Variants in SENP6 observed in about 807,000 individuals in gnomAD.
SENP6 encodes the protein sentrin-specific protease 6.
In SENP6, 41 loss-of-function variants were observed where a neutral mutation model predicts 134.5. The observed-to-expected ratio is 0.30, with a 90% CI of 0.24 to 0.40. The LOEUF is 0.40. Ranked by LOEUF, SENP6 falls within the 10% of genes least tolerant of loss-of-function variation. The probability of loss-of-function intolerance (pLI) is 1.00; values close to 1 mark genes in which losing one functional copy is unlikely to be tolerated. For missense variants in SENP6, 1,248 were observed against 1,312.5 expected (o/e 0.95, Z 0.76); for synonymous variants, 395 against 429.8 (o/e 0.92, Z 1.00).
In SENP6 at chr6:75,663,214, T is replaced by C. The variant is rs752629922; in HGVS notation, c.697-7T>C. 5 of 1,606,586 alleles carry C rather than the reference T, an allele frequency of 3.1e-6. No homozygotes were observed. In the East Asian group the frequency reaches 1.1e-4, roughly 36 times the overall value. On this transcript the variant is annotated splice_polypyrimidine_tract_variant and splice_region_variant and intron_variant, in intron 8 of 23. Coordinates refer to ENST00000447266, the MANE Select transcript of SENP6 (RefSeq NM_015571.4). ...AATGCCAAAGTTGTGGTGTTCTTTT[T>C]TCTAAGGATTTGCAAAGAAATTGCA...
chr6:75,708,208 C>G (rs1181306897), intron 19 of SENP6, among the ~76,000 whole-genome samples: 1 of 152,066 alleles, frequency 6.6e-6, no homozygotes, highest in Non-Finnish European at 1.5e-5. Context: ...ATTACAGGTG[C>G]ATGCCACCAT....
At chr6:75,668,382 T>C (rs1562027545) in intron 10 of SENP6, among the ~76,000 whole-genome samples, 1 of 152,010 alleles carries the variant, frequency 6.6e-6, no homozygotes, top group Non-Finnish European at 1.5e-5. Flanking sequence ...AATGGAAAAA[T>C]AGTAAGCTAT....
At chr6:75,654,257 A>G (rs1214996370) in intron 7 of SENP6, among the ~76,000 whole-genome samples, 1 of 152,212 alleles carries the variant, frequency 6.6e-6, no homozygotes, top group Non-Finnish European at 1.5e-5. Flanking sequence ...GCAAAACATA[A>G]GTAAAGCTGA....
Position 75,663,212 on chromosome 6 carries a change from T to C in SENP6, c.697-9T>C, listed in dbSNP as rs1771915944. On this transcript the variant is annotated splice_polypyrimidine_tract_variant and intron_variant, in intron 8 of 23. Coordinates refer to ENST00000447266, the MANE Select transcript of SENP6 (RefSeq NM_015571.4). ...CAAATGCCAAAGTTGTGGTGTTCTTTTTTCTAAGGATTTGCAAAGAAATTG... is the reference window on the plus strand; with the variant it reads ...CAAATGCCAAAGTTGTGGTGTTCTTCTTTCTAAGGATTTGCAAAGAAATTG... 2 of 1,605,810 alleles carry C rather than the reference T, an allele frequency of 1.2e-6. No individual in the cohort carries two copies. Among genetic ancestry groups the C allele is most frequent in the Non-Finnish European group, 1.7e-6 (2 of 1,178,120 alleles).
intron 1 of SENP6, among the ~76,000 whole-genome samples, chr6:75,613,874 C>G (rs1429968107): frequency 7.9e-5 from 12 of 152,176 alleles, no homozygotes; most frequent in East Asian, 3.9e-4. Flanking sequence ...TAAAAATGTT[C>G]CTTAATAGCA....
intron 18 of SENP6, among the ~76,000 whole-genome samples, chr6:75,700,876 A>G (rs1774979628): frequency 6.6e-6 from 1 of 152,230 alleles, no homozygotes; most frequent in Non-Finnish European, 1.5e-5. Flanking sequence ...AAAATTAGCT[A>G]TGTGTTAGAA....
intron 19 of SENP6, among the ~76,000 whole-genome samples, chr6:75,705,734 T>G (rs112340425): frequency 8.4e-6 from 1 of 119,298 alleles, no homozygotes; most frequent in Non-Finnish European, 1.8e-5. Context: ...CTAATACATT[T>G]TTCTTCTTTT....
At chr6:75,713,349 G>A (rs973399623) in intron 21 of SENP6, among the ~76,000 whole-genome samples, 164 bp from the exon 22 acceptor site, 6 of 152,140 alleles carry the variant, frequency 3.9e-5, no homozygotes, top group African/African-American at 1.4e-4. Context: ...TATAAGGTTC[G>A]TATGTGTCTA....
chr6:75,664,701 T>TA (rs753389382), intron 9 of SENP6, among the ~76,000 whole-genome samples: 16 of 152,294 alleles, frequency 1.1e-4, no homozygotes, highest in Non-Finnish European at 1.9e-4. Context: ...AAAAGACAGG[T>TA]AGAGAAATAC....
intron 3 of SENP6, among the ~76,000 whole-genome samples, chr6:75,630,727 G>T (rs1769047321): frequency 6.6e-6 from 1 of 151,774 alleles, no homozygotes; most frequent in Non-Finnish European, 1.5e-5. Flanking sequence ...GTTTCACTGT[G>T]CTTCTTTTAA....
At chr6:75,661,909 G>T (rs1407862400) in intron 8 of SENP6, among the ~76,000 whole-genome samples, 1 of 152,122 alleles carries the variant, frequency 6.6e-6, no homozygotes, top group Non-Finnish European at 1.5e-5. Context: ...AAAATTAGCT[G>T]AGCATGGTGG....
rs1257028017 is a variant in SENP6, at chr6:75,659,251, C to T, written c.551-11C>T. ...TAAAACTTAAAGTTTATTTTTTTCT[C>T]CTTCCTTTAGAACGTATAATGAAGA... On this transcript the variant is annotated splice_polypyrimidine_tract_variant and intron_variant, in intron 7 of 23. Coordinates refer to ENST00000447266, the MANE Select transcript of SENP6 (RefSeq NM_015571.4). 1 of 1,569,992 alleles carries T rather than the reference C, an allele frequency of 6.4e-7. No individual in the cohort carries two copies. The highest frequency in any genetic ancestry group is 2.1e-5 in the Admixed American group (1 of 47,436).
intron 16 of SENP6, among the ~76,000 whole-genome samples, chr6:75,691,575 G>GTTTTGTTTTTTGTTTTTTGT (rs1336084912): frequency 6.6e-6 from 1 of 151,544 alleles, no homozygotes; most frequent in Admixed American, 6.6e-5. Context: ...TTGTTATTGT[G>GTTTTGTTTTTTGTTTTTTGT]TTTTGTTTTT....
At position 75,663,597 on chromosome 6, in the gene SENP6, AC is replaced by A. The variant is rs565151937; in HGVS notation, c.994+83del. ...TATATTTTTACAACCACTCTCCCCAACCCCATATATATTTTTAATATAAATG... is the reference window on the plus strand; with the variant it reads ...TATATTTTTACAACCACTCTCCCCAACCCATATATATTTTTAATATAAATG... On this transcript the variant is annotated intron_variant, in intron 9 of 23. Transcript: ENST00000447266. 1.8e-3 allele frequency: 1,744 copies of A among 994,402 alleles called. 3 individuals carry two copies. The highest frequency in any genetic ancestry group is 2.1e-3 in the Non-Finnish European group (1,435 of 681,360). The allele number at this position is 994,402 out of a possible 1,614,324, so 61.6% of individuals were successfully genotyped here. A position where few individuals can be genotyped will look rare whatever the true frequency, so the allele number is the denominator to read the frequency against.
intron 21 of SENP6, among the ~76,000 whole-genome samples, chr6:75,712,521 TAAA>T (rs796632478): frequency 6.9e-6 from 1 of 145,354 alleles, no homozygotes; most frequent in Non-Finnish European, 1.5e-5. Context: ...TGGAAAAAGT[TAAA>T]AAAAAAAAAT....
intron 8 of SENP6, among the ~76,000 whole-genome samples, chr6:75,661,351 C>T (rs1302421665): frequency 6.6e-6 from 1 of 152,230 alleles, no homozygotes; most frequent in Non-Finnish European, 1.5e-5. Context: ...ATGCTGATAT[C>T]ACCTACTGCT....
intron 19 of SENP6, among the ~76,000 whole-genome samples, chr6:75,705,811 G>A (rs1036874617): frequency 6.8e-6 from 1 of 147,274 alleles, no homozygotes; most frequent in Non-Finnish European, 1.5e-5. Context: ...ATAGGACATA[G>A]AATAAATTAT....
At chr6:75,673,316 C>A (rs1772826976) in intron 11 of SENP6, among the ~76,000 whole-genome samples, 1 of 116,094 alleles carries the variant, frequency 8.6e-6, no homozygotes. Flanking sequence ...AGACCAATGT[C>A]TACTTTTTTT....
chr6:75,609,256 G>C (rs950342167), intron 1 of SENP6, among the ~76,000 whole-genome samples: 3 of 151,790 alleles, frequency 2.0e-5, no homozygotes, highest in African/African-American at 7.3e-5. Context: ...TCTTTTTCCT[G>C]TACCTCCCCC....
Sources: gnomAD v4.1 joint callset for allele counts (sites outside exome capture counted in the v4.1 genomes callset) on GRCh38, gnomAD v4.1.1 for gene constraint, MANE v1.5 for transcripts, NCBI Gene and HGNC (gene_info 2026-07-23, HGNC 2026-07-21) for gene names.